KIAA1958: variants seen among roughly 807,000 people sequenced by gnomAD.
The protein encoded by KIAA1958 is KIAA1958.
KIAA1958 carries 14 observed loss-of-function variants against 47.2 expected under a neutral mutation model. That is an observed-to-expected ratio of 0.30 (90% CI 0.20 to 0.46). KIAA1958 has a LOEUF of 0.46. KIAA1958 is among the 20% of genes least tolerant of loss of function. The pLI is 1.00. For synonymous variants in KIAA1958, 354 were observed against 353.3 expected (o/e 1.00, Z -0.02); for missense variants, 803 against 909.2 (o/e 0.88, Z 1.50).
At chr9:112,651,883 GA>G (rs1285546521) in intron 3 of KIAA1958, among the ~76,000 whole-genome samples, 1 of 152,012 alleles carries the variant, frequency 6.6e-6, no homozygotes, top group Non-Finnish European at 1.5e-5. Flanking sequence ...AATGTCTAGA[GA>G]AAAAATTTTT....
At chr9:112,639,337 T>C (rs1205739949) in intron 2 of KIAA1958, among the ~76,000 whole-genome samples, 2 of 152,172 alleles carry the variant, frequency 1.3e-5, no homozygotes, top group African/African-American at 4.8e-5. Flanking sequence ...ATGCCATCCT[T>C]ATCAGCTCAA....
chr9:112,527,618 G>C (rs10733591), intron 1 of KIAA1958, among the ~76,000 whole-genome samples: 145,367 of 152,280 alleles, frequency 0.95, 69,455 homozygotes, highest in African/African-American at 0.99. Flanking sequence ...TGTTTGAAGG[G>C]GTCAAGCGGT....
chr9:112,573,380 C>G (rs899644517), intron 1 of KIAA1958, among the ~76,000 whole-genome samples: 2 of 152,124 alleles, frequency 1.3e-5, no homozygotes, highest in African/African-American at 4.8e-5. Context: ...CTCCCGCTTC[C>G]CCATCCTTGC....
intron 1 of KIAA1958, among the ~76,000 whole-genome samples, chr9:112,533,580 CAAAAAAAAAAAA>C (rs57032014): frequency 2.5e-4 from 31 of 125,388 alleles, no homozygotes; most frequent in African/African-American, 7.4e-4. Context: ...GACTCCATCC[CAAAAAAAAAAAA>C]AAAAAAAAAA....
chr9:112,568,740 G>T lies in KIAA1958; in HGVS notation c.-24-5317G>T, dbSNP rs560402219. ...CAAACAAAAAATTTAATATAAAAAT[G>T]AGCCAGGTGTGGTGGTGCGCACCTG... On this transcript the variant is annotated intron_variant, in intron 1 of 3. Transcript: ENST00000337530. Among the ~76,000 whole-genome samples, 85 of 151,116 alleles carry T rather than the reference G, an allele frequency of 5.6e-4. 1 individual carries two copies. Among genetic ancestry groups the T allele is most frequent in the African/African-American group, 2.1e-3 (85 of 41,228 alleles).
intron 2 of KIAA1958, among the ~76,000 whole-genome samples, chr9:112,599,851 A>T (rs1419187627): frequency 6.6e-6 from 1 of 152,226 alleles, no homozygotes; most frequent in East Asian, 1.9e-4. Context: ...TATCAGAAGA[A>T]GGTTCTCTTG....
chr9:112,653,953 A>T (rs1422507555), intron 3 of KIAA1958, among the ~76,000 whole-genome samples: 1 of 152,160 alleles, frequency 6.6e-6, no homozygotes, highest in East Asian at 1.9e-4. Flanking sequence ...GAATTCACAC[A>T]TTCCTTGAAG....
At chr9:112,602,767 T>A (rs117269993) in intron 2 of KIAA1958, among the ~76,000 whole-genome samples, 1 of 152,168 alleles carries the variant, frequency 6.6e-6, no homozygotes, top group Non-Finnish European at 1.5e-5. Flanking sequence ...CACACCACCT[T>A]CCCTGACTCT....
chr9:112,568,930 GAAAACTAAAAAAAAAAAAAAAAAAA>G (rs1835480864), intron 1 of KIAA1958, among the ~76,000 whole-genome samples: 1 of 12,372 alleles, frequency 8.1e-5, no homozygotes, highest in South Asian at 3.4e-3. Flanking sequence ...TTAAGAATAG[GAAAACTAAAAAAAAAAAAAAAAAAA>G]AAAAAAAAAA....
intron 2 of KIAA1958, among the ~76,000 whole-genome samples, chr9:112,609,791 A>G (rs1330139325): frequency 1.3e-5 from 2 of 152,134 alleles, no homozygotes; most frequent in South Asian, 2.1e-4. Context: ...GGGTCAAGCC[A>G]TCCTCCCCGC....
At chr9:112,579,677 A>G (rs1217710712) in intron 2 of KIAA1958, among the ~76,000 whole-genome samples, 2 of 152,178 alleles carry the variant, frequency 1.3e-5, no homozygotes, top group East Asian at 1.9e-4. Flanking sequence ...CAAAAAATGC[A>G]TTCAGAAAGA....
intron 1 of KIAA1958, among the ~76,000 whole-genome samples, chr9:112,525,999 CTT>C (rs766281135): frequency 1.5e-3 from 1 of 654 alleles, no homozygotes; most frequent in Non-Finnish European, 2.9e-3. Context: ...TCTTCTTCTT[CTT>C]TTTTTTTTTA....
chr9:112,571,888 C>G (rs924137624), intron 1 of KIAA1958, among the ~76,000 whole-genome samples: 4 of 126,390 alleles, frequency 3.2e-5, no homozygotes, highest in African/African-American at 1.2e-4. Context: ...ACAAACCAAT[C>G]TATGTCTTTT....
chr9:112,489,909 A>G (rs1337447260), intron 1 of KIAA1958, among the ~76,000 whole-genome samples: 1 of 152,232 alleles, frequency 6.6e-6, no homozygotes, highest in Non-Finnish European at 1.5e-5. Context: ...TCAAATGACT[A>G]GTGTTTTCAT....
chr9:112,640,867 G>C (rs888721862), intron 2 of KIAA1958, among the ~76,000 whole-genome samples: 3 of 152,040 alleles, frequency 2.0e-5, no homozygotes, highest in African/African-American at 7.2e-5. Flanking sequence ...ATACATCATG[G>C]CTTCTTTGTT....
intron 1 of KIAA1958, among the ~76,000 whole-genome samples, chr9:112,496,539 CT>C (rs1237074036): frequency 1.3e-5 from 2 of 152,174 alleles, no homozygotes; most frequent in Non-Finnish European, 2.9e-5. Context: ...AGCAAGTTCA[CT>C]TATTGCTGCC....
chr9:112,660,511 A>T lies in KIAA1958; in HGVS notation c.*442A>T, dbSNP rs1190577420. On this transcript the variant is annotated 3_prime_UTR_variant, in exon 4 of 4. Transcript: ENST00000337530. ...TGAATTACACTCACAATTAGAAACT[A>T]GAGAGAGGCAGACACGTTCCCTATT... 1 of 162,708 alleles carries T rather than the reference A, an allele frequency of 6.1e-6. No individual in the cohort carries two copies. The highest frequency in any genetic ancestry group is 1.4e-5 in the Non-Finnish European group (1 of 73,628). The allele number at this position is 162,708 out of a possible 1,614,324, so 10.1% of individuals were successfully genotyped here. A position where few individuals can be genotyped will look rare whatever the true frequency, so the allele number is the denominator to read the frequency against.
intron 1 of KIAA1958, among the ~76,000 whole-genome samples, chr9:112,562,490 ACTT>A (rs1231628361): frequency 1.3e-5 from 2 of 152,190 alleles, no homozygotes; most frequent in Non-Finnish European, 2.9e-5. Context: ...TGTGGGCAGA[ACTT>A]CTTAAGTTTT....
At chr9:112,501,959 C>T (rs889299506) in intron 1 of KIAA1958, among the ~76,000 whole-genome samples, 3 of 152,080 alleles carry the variant, frequency 2.0e-5, no homozygotes, top group Non-Finnish European at 2.9e-5. Context: ...ATAGATAAAA[C>T]GTAGAGCAAT....
Sources: gnomAD v4.1 joint callset for allele counts (sites outside exome capture counted in the v4.1 genomes callset) on GRCh38, gnomAD v4.1.1 for gene constraint, MANE v1.5 for transcripts, NCBI Gene and HGNC (gene_info 2026-07-23, HGNC 2026-07-21) for gene names.